Variants in ADGRA2 observed in about 807,000 individuals in gnomAD.
ADGRA2 encodes the protein adhesion G protein-coupled receptor A2, also known as G-protein coupled receptor 124.
Under a neutral mutation model 98.7 loss-of-function variants are expected in ADGRA2, and 61 were observed. The ratio of observed to expected loss-of-function variants is 0.62; its 90% CI spans 0.50 to 0.76. ADGRA2 has a LOEUF of 0.76. Ranked by LOEUF, ADGRA2 falls within the 30% of genes least tolerant of loss-of-function variation. ADGRA2 has a pLI of 0.00. For missense variants in ADGRA2, 1,712 were observed against 1,860.0 expected, an observed-to-expected ratio of 0.92 and a Z score of 1.46; for synonymous variants, 858 against 831.5, an observed-to-expected ratio of 1.03 and a Z score of -0.55.
At chr8:37,831,189 T>A (rs974926099) in intron 7 of ADGRA2, among the ~76,000 whole-genome samples, 1 of 152,206 alleles carries the variant, frequency 6.6e-6, no homozygotes, top group Non-Finnish European at 1.5e-5. Flanking sequence ...AGATTTAATC[T>A]CTACAGTAGA....
At chr8:37,836,432 A>T (rs1417193133) in intron 13 of ADGRA2, among the ~76,000 whole-genome samples, 1 of 152,062 alleles carries the variant, frequency 6.6e-6, no homozygotes, top group African/African-American at 2.4e-5. Flanking sequence ...GAATAACAAC[A>T]TGAGCAGAGG....
chr8:37,820,007 G>A (rs954398616), intron 2 of ADGRA2, among the ~76,000 whole-genome samples: 3 of 152,276 alleles, frequency 2.0e-5, no homozygotes, highest in South Asian at 2.1e-4. Context: ...TGACATGATT[G>A]TGGGGGCTGG....
intron 2 of ADGRA2, among the ~76,000 whole-genome samples, chr8:37,822,363 C>T (rs900830261): frequency 3.3e-5 from 5 of 149,896 alleles, no homozygotes; most frequent in African/African-American, 1.2e-4. Flanking sequence ...TCTCTGCGGC[C>T]CCACCCTGCC....
intron 1 of ADGRA2, among the ~76,000 whole-genome samples, chr8:37,810,115 A>T (rs994506520): frequency 6.6e-6 from 1 of 152,200 alleles, no homozygotes; most frequent in African/African-American, 2.4e-5. Flanking sequence ...TAATAATTTT[A>T]TATTGATTAC....
chr8:37,803,238 G>A (rs114718291), intron 1 of ADGRA2, among the ~76,000 whole-genome samples: 3,012 of 152,336 alleles, frequency 0.02, 101 homozygotes, highest in African/African-American at 0.069. Context: ...CCACCTCTGA[G>A]TTGATCGCTG....
Position 37,829,255 on chromosome 8 carries a change from C to CTCTAGAGA in ADGRA2, c.411-2_416dup. On this transcript the variant is annotated splice_polypyrimidine_tract_variant and splice_region_variant and intron_variant, in intron 3 of 18. Transcript: ENST00000412232. The stretch of plus-strand genomic sequence containing the variant: ...CAACATGCTGAGGTTGCCTGTGTCT[C>CTCTAGAGA]TCTAGAGATCTCTCCAACAACCGGA... The CTCTAGAGA allele has an allele frequency of 6.2e-7, 1 of 1,612,788 alleles. No individual in the cohort carries two copies. Among genetic ancestry groups the CTCTAGAGA allele is most frequent in the Non-Finnish European group, 8.5e-7 (1 of 1,179,024 alleles).
Position 37,841,330 on chromosome 8 carries a change from G to A in ADGRA2, c.2992G>A (p.Ala998Thr). ...DSGSLLATGS[A>T]RVGTPGPPED... is the part of the protein sequence containing the mutation. ...AGGTTCCCTTCTTGCTACTGGGAGC[G>A]CGCGAGTGGGGACGCCCGGGCCCCC... The change falls in exon 19 of 19, where the codon GCG becomes ACG. Residue 998 changes from alanine to threonine, a missense_variant. Coordinates refer to ENST00000412232, the MANE Select transcript of ADGRA2 (RefSeq NM_032777.10). The surrounding 1 kb of genome is among the most constrained non-coding windows in gnomAD (Gnocchi z 5.0). 2 of 1,606,174 alleles carry A rather than the reference G, an allele frequency of 1.2e-6. No homozygotes were observed. The highest frequency in any genetic ancestry group is 1.7e-6 in the Non-Finnish European group (2 of 1,176,618).
rs559998634 is a variant in ADGRA2, at chr8:37,809,791, G to C, written c.267-5105G>C. On this transcript the variant is annotated intron_variant, in intron 1 of 18. Transcript: ENST00000412232. ...CAGCCCTTGCCTCCCAGCACACACAGAGGCTGCCTCAGAGAGAGAGGGGTG... is the reference window on the plus strand; with the variant it reads ...CAGCCCTTGCCTCCCAGCACACACACAGGCTGCCTCAGAGAGAGAGGGGTG... 2.0e-5 allele frequency among the ~76,000 whole-genome samples: 3 copies of C among 152,306 alleles called. No individual in the cohort carries two copies. In the South Asian group the frequency reaches 6.2e-4, roughly 32 times the overall value.
chr8:37,825,174 C>T (rs943366451), intron 2 of ADGRA2, among the ~76,000 whole-genome samples: 4 of 152,120 alleles, frequency 2.6e-5, no homozygotes, highest in South Asian at 2.1e-4. Flanking sequence ...CATATCTGCG[C>T]GTGCTTCCAC....
intron 2 of ADGRA2, among the ~76,000 whole-genome samples, chr8:37,822,140 G>T (rs1805144909): frequency 6.6e-6 from 1 of 152,102 alleles, no homozygotes; most frequent in Non-Finnish European, 1.5e-5. Flanking sequence ...GAGACAAGAG[G>T]CACCTGGAGG....
chr8:37,829,471 TC>T lies in ADGRA2; in HGVS notation c.483-13del. 2 of 1,608,588 alleles carry T rather than the reference TC, an allele frequency of 1.2e-6. No homozygotes were observed. Among genetic ancestry groups the T allele is most frequent in the Non-Finnish European group, 8.5e-7 (1 of 1,175,016 alleles). On this transcript the variant is annotated splice_polypyrimidine_tract_variant and intron_variant, in intron 4 of 18. Coordinates refer to ENST00000412232, the MANE Select transcript of ADGRA2 (RefSeq NM_032777.10). ...ACACCCTAAGACCCCATCTCAGTTGTCCCCTGTTCCCTGCAGAAACATATCT... is the reference window on the plus strand; with the variant it reads ...ACACCCTAAGACCCCATCTCAGTTGTCCCTGTTCCCTGCAGAAACATATCT...
chr8:37,817,409 C>G (rs1805011527), intron 2 of ADGRA2, among the ~76,000 whole-genome samples: 4 of 152,168 alleles, frequency 2.6e-5, no homozygotes, highest in Admixed American at 2.6e-4. Context: ...CACCAAGCTG[C>G]TATCTAAAAG....
rs755158179 is a variant in ADGRA2 at position 37,844,777 on chromosome 8, C to T, written c.*2422C>T. On this transcript the variant is annotated 3_prime_UTR_variant, in exon 19 of 19. Coordinates refer to ENST00000412232, the MANE Select transcript of ADGRA2 (RefSeq NM_032777.10). ...TGCCCCTGTCCCCACCCCGGTGGCT[C>T]CTTCTCTCGGGTCTCCACTTCTGCT... 3.1e-6 allele frequency: 5 copies of T among 1,614,038 alleles called. No homozygotes were observed. The highest frequency in any genetic ancestry group is 4.2e-6 in the Non-Finnish European group (5 of 1,179,954).
chr8:37,799,169 G>A (rs1402504656), intron 1 of ADGRA2, among the ~76,000 whole-genome samples: 1 of 152,184 alleles, frequency 6.6e-6, no homozygotes, highest in African/African-American at 2.4e-5. Context: ...GAGGTCAGGA[G>A]TTCGAGACCA....
Position 37,802,681 on chromosome 8 carries a change from G to A in ADGRA2, c.266+5147G>A, listed in dbSNP as rs1203731347. On this transcript the variant is annotated intron_variant, in intron 1 of 18. Coordinates refer to ENST00000412232, the MANE Select transcript of ADGRA2 (RefSeq NM_032777.10). The surrounding 1 kb of genome is among the most constrained non-coding windows in gnomAD (Gnocchi z 4.7). ...CCACCCACTGGAGAAGCTGGAGGTC[G>A]CTAGCTCAGGATACAGGAATTCCAC... 6.6e-6 allele frequency among the ~76,000 whole-genome samples: 1 copy of A among 152,138 alleles called. No homozygotes were observed.
chr8:37,817,110 C>T (rs1455594937), intron 2 of ADGRA2, among the ~76,000 whole-genome samples: 1 of 152,116 alleles, frequency 6.6e-6, no homozygotes, highest in African/African-American at 2.4e-5. Flanking sequence ...CGTGAGGGAG[C>T]CTCCATGACA....
chr8:37,835,688 C>T lies in ADGRA2; in HGVS notation c.1968C>T (p.Ser656=). Residue 656 remains serine (S), a synonymous_variant, in exon 13 of 19, where the codon AGC becomes AGT. Transcript: ENST00000412232. Reference sequence around the variant, plus strand: ...TCCGAAATGGCCGCCTCTTCCACAGCCACAGCAACACCTCCCGCCCTGGAG... The same window carrying T: ...TCCGAAATGGCCGCCTCTTCCACAGTCACAGCAACACCTCCCGCCCTGGAG... The part of the protein sequence containing the change: ...LVFRNGRLFH[S]HSNTSRPGAA... 7 of 1,613,956 alleles carry T rather than the reference C, an allele frequency of 4.3e-6. No individual in the cohort carries two copies. Among genetic ancestry groups the T allele is most frequent in the Non-Finnish European group, 5.9e-6 (7 of 1,179,952 alleles).
chr8:37,826,291 G>A (rs1805279352), intron 2 of ADGRA2, among the ~76,000 whole-genome samples: 1 of 152,130 alleles, frequency 6.6e-6, no homozygotes, highest in Non-Finnish European at 1.5e-5. Context: ...TGCTGGGACA[G>A]TCCCAGAGGG....
At position 37,830,118 on chromosome 8, in the gene ADGRA2, G is replaced by C; in HGVS notation, c.718+104G>C. On this transcript the variant is annotated intron_variant, in intron 6 of 18. Coordinates refer to ENST00000412232, the MANE Select transcript of ADGRA2 (RefSeq NM_032777.10). This position sits in a 1 kb window ranked among gnomAD's most constrained non-coding sequence, Gnocchi z 4.8. ...CTCAGACCCACAGGTTTTTACCTTT[G>C]TATTGCAATTTGCAAAAGACCACGA... The C allele has an allele frequency of 4.2e-6, 3 of 719,804 alleles. No individual in the cohort carries two copies. The highest frequency in any genetic ancestry group is 6.5e-6 in the Non-Finnish European group (3 of 461,612). The allele number at this position is 719,804 out of a possible 1,614,324, so 44.6% of individuals were successfully genotyped here. A position where few individuals can be genotyped will look rare whatever the true frequency, so the allele number is the denominator to read the frequency against.
Sources: allele counts gnomAD v4.1 joint callset (sites outside exome capture counted in the v4.1 genomes callset), GRCh38; gene constraint gnomAD v4.1.1; non-coding constraint Gnocchi (gnomAD v3.1); transcripts MANE v1.5; gene names NCBI Gene and HGNC (gene_info 2026-07-23, HGNC 2026-07-21).